Variants in ADGRB3 observed in about 807,000 individuals in gnomAD.
The protein encoded by ADGRB3 is adhesion G protein-coupled receptor B3.
In ADGRB3, 37 loss-of-function variants were observed where a neutral mutation model predicts 193.4. The ratio of observed to expected loss-of-function variants is 0.19; its 90% CI spans 0.15 to 0.25. The LOEUF (loss-of-function observed/expected upper bound fraction) is 0.25, where lower values mean the gene tolerates loss of function less well. Ranked by LOEUF, ADGRB3 falls within the 10% of genes least tolerant of loss-of-function variation. The pLI is 1.00. For missense variants in ADGRB3, 1,637 were observed against 1,852.9 expected (o/e 0.88, Z 2.14); for synonymous variants, 690 against 644.2 (o/e 1.07, Z -1.08).
chr6:69,317,480 G>A (rs193046381), intron 20 of ADGRB3, among the ~76,000 whole-genome samples: 46 of 151,488 alleles, frequency 3.0e-4, no homozygotes, highest in African/African-American at 1.1e-3. Flanking sequence ...GCTAGAGAAG[G>A]AAACACAAAG....
intron 3 of ADGRB3, among the ~76,000 whole-genome samples, chr6:68,810,057 T>G (rs9454623): frequency 0.17 from 25,330 of 152,114 alleles, 2,506 homozygotes; most frequent in African/African-American, 0.27. Flanking sequence ...CCAAAGATGT[T>G]AATATTTGAC....
At chr6:68,817,914 A>G (rs1229141639) in intron 3 of ADGRB3, among the ~76,000 whole-genome samples, 7 of 152,078 alleles carry the variant, frequency 4.6e-5, no homozygotes, top group Non-Finnish European at 8.8e-5. Context: ...TTCATAGTTT[A>G]CATATTTAGT....
intron 3 of ADGRB3, among the ~76,000 whole-genome samples, chr6:68,706,930 C>A (rs754247258): frequency 6.6e-6 from 1 of 151,748 alleles, no homozygotes; most frequent in African/African-American, 2.4e-5. Flanking sequence ...GCTAACACAG[C>A]GAAACCCCGT....
chr6:69,005,096 G>A (rs532612258), intron 11 of ADGRB3, among the ~76,000 whole-genome samples: 30 of 152,170 alleles, frequency 2.0e-4, no homozygotes, highest in African/African-American at 7.2e-4. Flanking sequence ...GTCACACTGA[G>A]TTATGATATT....
At chr6:69,234,865 T>G (rs1397417815) in intron 18 of ADGRB3, among the ~76,000 whole-genome samples, 167 bp from the exon 19 acceptor site, 1 of 152,110 alleles carries the variant, frequency 6.6e-6, no homozygotes, top group African/African-American at 2.4e-5. Context: ...ATTAGTATTT[T>G]TAGAGGTTGA....
chr6:69,047,366 T>G (rs1771267680), intron 13 of ADGRB3, among the ~76,000 whole-genome samples: 1 of 150,928 alleles, frequency 6.6e-6, no homozygotes, highest in African/African-American at 2.4e-5. Context: ...TTATTACACA[T>G]TATAAATTTA....
At chr6:69,211,012 C>T (rs1452047221) in intron 17 of ADGRB3, among the ~76,000 whole-genome samples, 4 of 151,968 alleles carry the variant, frequency 2.6e-5, no homozygotes, top group African/African-American at 9.7e-5. Context: ...GTCCCAGCTA[C>T]GCGGGAGGCT....
intron 3 of ADGRB3, among the ~76,000 whole-genome samples, chr6:68,705,724 G>C (rs577103409): frequency 1.9e-4 from 29 of 152,338 alleles, no homozygotes; most frequent in Non-Finnish European, 3.8e-4. Flanking sequence ...CTAGACTGTA[G>C]TTAAAGTGAC....
intron 3 of ADGRB3, among the ~76,000 whole-genome samples, chr6:68,640,661 C>T (rs1768064655): frequency 6.6e-6 from 1 of 152,196 alleles, no homozygotes; most frequent in Non-Finnish European, 1.5e-5. Context: ...CAGAAGTTGT[C>T]TTTGTGGCCA....
chr6:69,162,332 A>G (rs937934273), intron 17 of ADGRB3, among the ~76,000 whole-genome samples: 1 of 152,154 alleles, frequency 6.6e-6, no homozygotes, highest in East Asian at 1.9e-4. Context: ...TCATCTAAAA[A>G]TGAAATATTG....
chr6:68,808,987 T>A (rs1767460709), intron 3 of ADGRB3, among the ~76,000 whole-genome samples: 1 of 152,170 alleles, frequency 6.6e-6, no homozygotes, highest in Admixed American at 6.6e-5. Flanking sequence ...AAGATGAATT[T>A]TGTGCCCCCT....
intron 1 of ADGRB3, among the ~76,000 whole-genome samples, chr6:68,636,746 C>T (rs1364524649): frequency 6.6e-6 from 1 of 152,124 alleles, no homozygotes; most frequent in Non-Finnish European, 1.5e-5. Context: ...CACGGCATTG[C>T]AGACATGCAC....
intron 3 of ADGRB3, among the ~76,000 whole-genome samples, chr6:68,911,162 C>A (rs1163094202): frequency 6.7e-6 from 1 of 149,804 alleles, no homozygotes; most frequent in Non-Finnish European, 1.5e-5. Context: ...CAAACTATAG[C>A]AAGGACAAAA....
At chr6:68,692,450 C>G (rs1283511375) in intron 3 of ADGRB3, among the ~76,000 whole-genome samples, 2 of 151,834 alleles carry the variant, frequency 1.3e-5, no homozygotes, top group Non-Finnish European at 2.9e-5. Context: ...ACTCTTTGAT[C>G]TTGAACTCTT....
At chr6:68,646,255 T>A (rs1441923634) in intron 3 of ADGRB3, among the ~76,000 whole-genome samples, 1 of 151,698 alleles carries the variant, frequency 6.6e-6, no homozygotes, top group African/African-American at 2.4e-5. Context: ...GGCGGGTGGA[T>A]CACGTGAGGT....
intron 20 of ADGRB3, among the ~76,000 whole-genome samples, chr6:69,258,498 AG>A (rs1355241378): frequency 6.6e-6 from 1 of 152,262 alleles, no homozygotes; most frequent in Non-Finnish European, 1.5e-5. Flanking sequence ...CATTCAGCAA[AG>A]GGAAAAACTG....
At chr6:68,640,729 G>A (rs1768066083) in intron 3 of ADGRB3, among the ~76,000 whole-genome samples, 1 of 152,200 alleles carries the variant, frequency 6.6e-6, no homozygotes, top group Admixed American at 6.5e-5. Flanking sequence ...GGCTTTGTAA[G>A]GGGAAGTGGA....
At chr6:68,679,294 G>A (rs1764836197) in intron 3 of ADGRB3, among the ~76,000 whole-genome samples, 1 of 152,070 alleles carries the variant, frequency 6.6e-6, no homozygotes, top group Admixed American at 6.5e-5. Context: ...CCTGCTTTGT[G>A]GGTGGCTTTT....
At chr6:68,818,188 G>A (rs929792961) in intron 3 of ADGRB3, among the ~76,000 whole-genome samples, 5 of 152,044 alleles carry the variant, frequency 3.3e-5, no homozygotes, top group African/African-American at 9.7e-5. Flanking sequence ...GGTTCTATGT[G>A]CGCACCGCCT....
Sources: allele counts gnomAD v4.1 joint callset (sites outside exome capture counted in the v4.1 genomes callset), GRCh38; gene constraint gnomAD v4.1.1; transcripts MANE v1.5; gene names NCBI Gene and HGNC (gene_info 2026-07-23, HGNC 2026-07-21).